The following IMPG1 variants were observed in gnomAD, a reference collection of about 807,000 sequenced individuals.
IMPG1 encodes the protein interphotoreceptor matrix proteoglycan of 150 kDa.
IMPG1 carries 85 observed loss-of-function variants against 92.0 expected under a neutral mutation model. The ratio of observed to expected loss-of-function variants is 0.92; its 90% confidence interval spans 0.78 to 1.11. The LOEUF is 1.11. IMPG1 is among the 50% of genes least tolerant of loss of function. IMPG1 has a pLI of 0.00. For synonymous variants in IMPG1, 367 were observed against 334.1 expected, an observed-to-expected ratio of 1.10 and a Z score of -1.08; for missense variants, 1,022 against 956.0, an observed-to-expected ratio of 1.07 and a Z score of -0.91.
Position 75,990,259 on chromosome 6 carries a change from A to C in IMPG1, c.1291+12659T>G, listed in dbSNP as rs147231594. On this transcript the variant is annotated intron_variant, in intron 12 of 16. Transcript: ENST00000369950. ...TTGCATAAAGCTCCTGCTAAAACACATTATTTGGCAAGGATTTTACTTAAC... is the reference window on the plus strand; with the variant it reads ...TTGCATAAAGCTCCTGCTAAAACACCTTATTTGGCAAGGATTTTACTTAAC... Among the ~76,000 whole-genome samples the C allele has an allele frequency of 1.6e-3, 247 of 152,330 alleles. 5 individuals carry two copies. The East Asian group carries it at 0.035, about 22-fold the overall frequency.
At chr6:76,055,324 G>A (rs986007867) in intron 1 of IMPG1, among the ~76,000 whole-genome samples, 1 of 151,868 alleles carries the variant, frequency 6.6e-6, no homozygotes, top group African/African-American at 2.4e-5. Context: ...TGTCAAAGAA[G>A]AAATAATTAT....
rs148175710 is a variant in IMPG1, at chr6:75,951,001, T to C, written c.1385A>G (p.Gln462Arg). The change falls in exon 13 of 17, where the codon CAA (glutamine) becomes CGA (arginine). Residue 462 changes from glutamine (Q) to arginine (R), a missense_variant. Transcript: ENST00000369950. ...MASSIFSLTDQGTTDTMATDQ... is the reference protein window; with the variant it reads ...MASSIFSLTDRGTTDTMATDQ... ...AGTGGCCATTGTATCTGTGGTGCCT[T>C]GATCAGTCAGAGAGAAGATGCTTGA... 7.4e-6 allele frequency: 12 copies of C among 1,613,876 alleles called. No individual in the cohort carries two copies. In the African/African-American group the frequency reaches 1.5e-4, roughly 20 times the overall value.
intron 15 of IMPG1, among the ~76,000 whole-genome samples, chr6:75,925,402 T>A (rs1347982760): frequency 8.5e-5 from 13 of 152,280 alleles, no homozygotes; most frequent in Non-Finnish European, 1.5e-5. Context: ...ATATATATAT[T>A]CCCTTATTCA....
chr6:75,929,005 C>T (rs1324110352), intron 15 of IMPG1, among the ~76,000 whole-genome samples: 1 of 149,744 alleles, frequency 6.7e-6, no homozygotes, highest in African/African-American at 2.6e-5. Context: ...GTACTGTACT[C>T]TAACCATTTC....
intron 15 of IMPG1, among the ~76,000 whole-genome samples, chr6:75,926,128 C>T (rs1007046621): frequency 2.6e-5 from 4 of 152,156 alleles, no homozygotes; most frequent in African/African-American, 9.7e-5. Flanking sequence ...ACTAAGAGAT[C>T]ACAGGTGAGG....
intron 14 of IMPG1, among the ~76,000 whole-genome samples, chr6:75,931,838 G>A (rs914022764): frequency 6.6e-6 from 1 of 152,186 alleles, no homozygotes; most frequent in African/African-American, 2.4e-5. Context: ...TTTGGGAAGT[G>A]GATTAGAAAT....
intron 9 of IMPG1, 38 bp from the exon 10 acceptor site, chr6:76,005,572 A>C: frequency 6.2e-7 from 1 of 1,602,336 alleles, no homozygotes. Context: ...ACCCAAAGCC[A>C]TTGTTACATG....
intron 12 of IMPG1, among the ~76,000 whole-genome samples, chr6:75,957,177 C>A (rs1314900361): frequency 1.3e-5 from 2 of 152,166 alleles, no homozygotes; most frequent in Non-Finnish European, 2.9e-5. Context: ...CTCGGCTTCC[C>A]AAAGTGCTGG....
At chr6:76,042,766 C>A (rs1281959523) in intron 1 of IMPG1, among the ~76,000 whole-genome samples, 2 of 152,114 alleles carry the variant, frequency 1.3e-5, no homozygotes, top group African/African-American at 2.4e-5. Context: ...AAGGGGGAGG[C>A]TGGCAGAGAA....
intron 15 of IMPG1, chr6:75,928,552 T>C (rs1781603028): frequency 1.3e-5 from 2 of 152,212 alleles, no homozygotes. Flanking sequence ...ACTGATTGTT[T>C]ACAGTCAATT....
chr6:76,021,221 A>G (rs1005029695), intron 6 of IMPG1, among the ~76,000 whole-genome samples: 1 of 152,208 alleles, frequency 6.6e-6, no homozygotes, highest in Admixed American at 6.5e-5. Context: ...GTCAACCAGA[A>G]AATGTTTAAA....
Position 75,947,592 on chromosome 6 carries a change from T to C in IMPG1, c.1825-59A>G, listed in dbSNP as rs140401349. The stretch of plus-strand genomic sequence containing the variant: ...GTTCTAAGTGCTCAGCTGCTGCTAA[T>C]TCCACTTACACTCACTTTTCATTAA... On this transcript the variant is annotated intron_variant, in intron 13 of 16. Transcript: ENST00000369950. The C allele has an allele frequency of 1.7e-4, 189 of 1,139,450 alleles. No homozygotes were observed. In the African/African-American group the frequency reaches 1.9e-3, roughly 11 times the overall value. 70.6% of individuals were successfully genotyped at this position (1,139,450 alleles called of 1,614,324 possible).
intron 1 of IMPG1, among the ~76,000 whole-genome samples, chr6:76,067,212 A>T (rs1189072463): frequency 1.3e-5 from 2 of 151,512 alleles, no homozygotes; most frequent in African/African-American, 4.9e-5. Context: ...TGAAATGGAG[A>T]CTAAAAAAAA....
chr6:76,041,149 CT>C (rs1783831047), intron 2 of IMPG1, among the ~76,000 whole-genome samples: 3 of 151,044 alleles, frequency 2.0e-5, no homozygotes, highest in Non-Finnish European at 3.0e-5. Context: ...GTTTTTTTTT[CT>C]TTTAAAAAAG....
intron 15 of IMPG1, among the ~76,000 whole-genome samples, chr6:75,930,099 C>T (rs1471013692): frequency 6.6e-6 from 1 of 152,152 alleles, no homozygotes; most frequent in Non-Finnish European, 1.5e-5. Flanking sequence ...ATAAGGCCAC[C>T]TTCATAACAC....
At chr6:76,017,899 C>T (rs1783320151) in intron 7 of IMPG1, among the ~76,000 whole-genome samples, 1 of 151,966 alleles carries the variant, frequency 6.6e-6, no homozygotes. Flanking sequence ...ATTACAGGCG[C>T]CCACCACCAC....
intron 12 of IMPG1, among the ~76,000 whole-genome samples, chr6:75,994,370 A>G (rs887002954): frequency 6.6e-6 from 1 of 152,120 alleles, no homozygotes; most frequent in African/African-American, 2.4e-5. Context: ...CTATTTATCT[A>G]TTTCCTGTGT....
intron 1 of IMPG1, among the ~76,000 whole-genome samples, chr6:76,052,743 G>A (rs1890310): frequency 0.92 from 139,773 of 152,266 alleles, 64,227 homozygotes; most frequent in Middle Eastern, 0.94. Flanking sequence ...GTCAATCTTA[G>A]AAAATATGAG....
At chr6:75,964,992 A>G (rs999227579) in intron 12 of IMPG1, among the ~76,000 whole-genome samples, 3 of 152,226 alleles carry the variant, frequency 2.0e-5, no homozygotes, top group Non-Finnish European at 2.9e-5. Context: ...CTTACTCAGT[A>G]TAACTCTGGA....
Sources: gnomAD v4.1 joint callset for allele counts (sites outside exome capture counted in the v4.1 genomes callset) on GRCh38, gnomAD v4.1.1 for gene constraint, MANE v1.5 for transcripts, NCBI Gene and HGNC (gene_info 2026-07-23, HGNC 2026-07-21) for gene names.